The following PRKAR1B variants were observed in gnomAD, a reference collection of about 807,000 sequenced individuals.
PRKAR1B encodes protein kinase cAMP-dependent type I regulatory subunit beta.
PRKAR1B carries 22 observed loss-of-function variants against 46.5 expected under a neutral mutation model. The ratio of observed to expected loss-of-function variants is 0.47; its 90% CI spans 0.34 to 0.68. The LOEUF (loss-of-function observed/expected upper bound fraction) is 0.68. Among genes scored for constraint, PRKAR1B ranks in the 30% least tolerant of loss-of-function variants. The pLI is 0.01. For missense variants in PRKAR1B, 445 were observed against 535.6 expected, an observed-to-expected ratio of 0.83 and a Z score of 1.67; for synonymous variants, 259 against 217.7, an observed-to-expected ratio of 1.19 and a Z score of -1.67.
At chr7:603,747 G>A (rs1346140429) in intron 6 of PRKAR1B, among the ~76,000 whole-genome samples, 3 of 143,916 alleles carry the variant, frequency 2.1e-5, no homozygotes, top group African/African-American at 8.0e-5. Flanking sequence ...TGGAGAGGGT[G>A]GGGGAGGAGG....
intron 4 of PRKAR1B, among the ~76,000 whole-genome samples, chr7:652,764 A>G (rs764066107): frequency 1.3e-5 from 2 of 152,218 alleles, no homozygotes; most frequent in Non-Finnish European, 2.9e-5. Context: ...CCCATTCAAT[A>G]AGGATTTCTT....
chr7:623,832 C>T (rs150055017), intron 4 of PRKAR1B, among the ~76,000 whole-genome samples: 3,686 of 152,280 alleles, frequency 0.024, 166 homozygotes, highest in African/African-American at 0.084. Context: ...GAGAGAGAAG[C>T]GCGTGAATGG....
chr7:669,883 T>TTTTTTTTTTTTTGG (rs770566286), intron 4 of PRKAR1B, among the ~76,000 whole-genome samples: 1 of 144,738 alleles, frequency 6.9e-6, no homozygotes, highest in Non-Finnish European at 1.5e-5. Flanking sequence ...TTTTTTTTTT[T>TTTTTTTTTTTTTGG]GAGACGGAGT....
At chr7:704,441 T>C (rs899477438) in intron 2 of PRKAR1B, among the ~76,000 whole-genome samples, 1 of 148,658 alleles carries the variant, frequency 6.7e-6, no homozygotes, top group African/African-American at 2.5e-5. Context: ...TCTATATTGA[T>C]AAATGTAACA....
At chr7:615,889 G>T (rs1270122601) in intron 4 of PRKAR1B, among the ~76,000 whole-genome samples, 3 of 147,576 alleles carry the variant, frequency 2.0e-5, no homozygotes, top group Non-Finnish European at 3.0e-5. Flanking sequence ...AAGGGAGAGA[G>T]AAAGAGAAAA....
chr7:721,187 T>C (rs1781059379), intron 1 of PRKAR1B, among the ~76,000 whole-genome samples: 1 of 152,200 alleles, frequency 6.6e-6, no homozygotes, highest in South Asian at 2.1e-4. Context: ...CTGTAGATAT[T>C]TCCTCCACAT....
intron 7 of PRKAR1B, among the ~76,000 whole-genome samples, chr7:591,229 G>A (rs926522609): frequency 6.6e-6 from 1 of 152,220 alleles, no homozygotes. Flanking sequence ...TCCTTCTGTG[G>A]CTGAGACGGT....
chr7:663,736 G>A (rs76065914), intron 4 of PRKAR1B, among the ~76,000 whole-genome samples: 4,596 of 152,118 alleles, frequency 0.03, 100 homozygotes, highest in East Asian at 0.1. Context: ...TGGAACTTGG[G>A]GACAGTGTTA....
intron 2 of PRKAR1B, among the ~76,000 whole-genome samples, chr7:704,183 G>C (rs1289897305): frequency 6.6e-6 from 1 of 151,786 alleles, no homozygotes; most frequent in East Asian, 1.9e-4. Context: ...AAAGACTGAA[G>C]AAGAAATGAA....
At chr7:574,068 A>G (rs1249359582) in intron 9 of PRKAR1B, among the ~76,000 whole-genome samples, 5 of 152,158 alleles carry the variant, frequency 3.3e-5, no homozygotes, top group African/African-American at 1.2e-4. Flanking sequence ...TGCGGCCTTG[A>G]TCTGCTCTCT....
chr7:691,441 G>A (rs746881424), intron 2 of PRKAR1B: 2 of 1,265,980 alleles, frequency 1.6e-6, no homozygotes, highest in Non-Finnish European at 2.1e-6. Flanking sequence ...TTGATGGAGA[G>A]GGAGTGCCTC....
At chr7:604,630 G>T (rs1458482393) in intron 6 of PRKAR1B, among the ~76,000 whole-genome samples, 1 of 152,250 alleles carries the variant, frequency 6.6e-6, no homozygotes, top group Non-Finnish European at 1.5e-5. Context: ...AGCTCCGGAA[G>T]CAGAGTGGGC....
chr7:621,794 C>T (rs1297616638), intron 4 of PRKAR1B, among the ~76,000 whole-genome samples: 1 of 151,972 alleles, frequency 6.6e-6, no homozygotes, highest in African/African-American at 2.4e-5. Context: ...AAAATGGGCA[C>T]AGTAACACTC....
intron 10 of PRKAR1B, among the ~76,000 whole-genome samples, chr7:550,974 T>C (rs1316425982): frequency 6.7e-6 from 1 of 148,750 alleles, no homozygotes; most frequent in Non-Finnish European, 1.5e-5. Context: ...AATGCCCAGG[T>C]GTGCCCAGGC....
upstream of PRKAR1B, among the ~76,000 whole-genome samples, chr7:728,890 C>T (rs1045052879): frequency 1.3e-5 from 2 of 152,090 alleles, no homozygotes; most frequent in Admixed American, 6.5e-5. Flanking sequence ...GAGGTTGAGG[C>T]GCTCACCCAA....
rs905589444 is a variant in PRKAR1B at position 639,116 on chromosome 7, C to G, written c.441-31664G>C. Among the ~76,000 whole-genome samples the G allele has an allele frequency of 2.0e-5, 3 of 152,040 alleles. No homozygotes were observed. In the East Asian group the frequency reaches 5.8e-4, roughly 29 times the overall value. On this transcript the variant is annotated intron_variant, in intron 4 of 10. Coordinates refer to ENST00000537384, the MANE Select transcript of PRKAR1B (RefSeq NM_001164760.2). ...AAAATTTTAAAAAATGAAATTCATA[C>G]AGAAATGTAAGGGCACTTGGAAATA...
intron 9 of PRKAR1B, 49 bp downstream of exon 9, chr7:579,207 C>T (rs934158208): frequency 1.9e-6 from 3 of 1,613,072 alleles, no homozygotes; most frequent in African/African-American, 1.3e-5. Flanking sequence ...TAAGAAGTGC[C>T]CCTGCCCCAG....
chr7:686,841 A>G (rs1444974857), intron 2 of PRKAR1B, among the ~76,000 whole-genome samples: 1 of 152,172 alleles, frequency 6.6e-6, no homozygotes, highest in East Asian at 1.9e-4. Context: ...AGAAGCTGAC[A>G]GGCTGAGGTT....
intron 4 of PRKAR1B, among the ~76,000 whole-genome samples, chr7:640,565 C>A (rs1432942579): frequency 6.6e-6 from 1 of 152,100 alleles, no homozygotes; most frequent in Non-Finnish European, 1.5e-5. Context: ...GAGTTCGAGA[C>A]CAACCTGGCT....
Sources: allele counts gnomAD v4.1 joint callset (sites outside exome capture counted in the v4.1 genomes callset), GRCh38; gene constraint gnomAD v4.1.1; transcripts MANE v1.5; gene names NCBI Gene and HGNC (gene_info 2026-07-23, HGNC 2026-07-21).